TMED3: variants seen among roughly 807,000 people sequenced by gnomAD.
TMED3 encodes the protein transmembrane p24 trafficking protein 3.
TMED3 carries 9 observed loss-of-function variants against 15.0 expected under a neutral mutation model. That is an observed-to-expected ratio of 0.60 (90% CI 0.36 to 1.04). The LOEUF is 1.04. Among genes scored for constraint, TMED3 ranks in the 50% least tolerant of loss-of-function variants. The pLI, the probability that TMED3 is intolerant of heterozygous loss-of-function variation, is 0.01. For synonymous variants in TMED3, 117 were observed against 121.4 expected, an observed-to-expected ratio of 0.96 and a Z score of 0.24; for missense variants, 267 against 278.9, an observed-to-expected ratio of 0.96 and a Z score of 0.30.
In TMED3 at chr15:79,331,201, C is replaced by G. The variant is rs182537299; in HGVS notation, c.417+17196C>G. Reference sequence around the variant, plus strand: ...CTAATCACTTCCCAGCAGGCCCCACCTCCAACATTGGGGATTACAGTTTGA... The same window carrying G: ...CTAATCACTTCCCAGCAGGCCCCACGTCCAACATTGGGGATTACAGTTTGA... On this transcript the variant is annotated intron_variant, in intron 2 of 2. Coordinates refer to the TMED3 transcript ENST00000424155. Among the ~76,000 whole-genome samples, 31 of 152,282 alleles carry G rather than the reference C, an allele frequency of 2.0e-4. No individual in the cohort carries two copies. In the East Asian group the frequency reaches 5.4e-3, roughly 27 times the overall value.
At chr15:79,374,427 T>A (rs540022626) in intron 2 of TMED3, among the ~76,000 whole-genome samples, 1 of 152,340 alleles carries the variant, frequency 6.6e-6, no homozygotes, top group African/African-American at 2.4e-5. Flanking sequence ...GGAATGCCCT[T>A]GGCCAAGAGG....
intron 2 of TMED3, among the ~76,000 whole-genome samples, chr15:79,408,682 A>AGTTGGTC (rs1893933311): frequency 6.6e-6 from 1 of 152,146 alleles, no homozygotes; most frequent in African/African-American, 2.4e-5. Flanking sequence ...TGGGATGGTC[A>AGTTGGTC]ATTCTGTGCT....
At chr15:79,383,038 T>C (rs1198101929) in intron 2 of TMED3, 3 of 1,535,412 alleles carry the variant, frequency 2.0e-6, no homozygotes, top group Non-Finnish European at 2.6e-6. Flanking sequence ...GGGATCTACC[T>C]GTTCCAACTG....
intron 2 of TMED3, among the ~76,000 whole-genome samples, chr15:79,320,437 A>G (rs746445982): frequency 6.6e-6 from 1 of 152,164 alleles, no homozygotes; most frequent in South Asian, 2.1e-4. Flanking sequence ...ATTTTATTAT[A>G]CTGGAACAGC....
chr15:79,323,790 G>A (rs916194641), downstream of TMED3, among the ~76,000 whole-genome samples: 1 of 152,082 alleles, frequency 6.6e-6, no homozygotes, highest in Non-Finnish European at 1.5e-5. Context: ...AAAAAAATAG[G>A]ATTGCTGGTG....
intron 2 of TMED3, among the ~76,000 whole-genome samples, chr15:79,341,195 C>CA (rs58885572): frequency 0.22 from 12,850 of 58,288 alleles, 2,306 homozygotes; most frequent in East Asian, 0.53. Flanking sequence ...GACCCTGTCT[C>CA]AAAAAAAAAA....
intron 2 of TMED3, among the ~76,000 whole-genome samples, chr15:79,394,590 C>A (rs531902377): frequency 1.5e-4 from 23 of 152,322 alleles, no homozygotes; most frequent in Admixed American, 2.6e-4. Flanking sequence ...GGGTTTTCCC[C>A]ACTATTTATA....
intron 2 of TMED3, among the ~76,000 whole-genome samples, chr15:79,358,355 CTTTT>C (rs1171405226): frequency 1.3e-5 from 2 of 152,240 alleles, no homozygotes; most frequent in African/African-American, 4.8e-5. Flanking sequence ...AAATGGCTCA[CTTTT>C]TATTTCTGAG....
At chr15:79,353,944 C>A (rs2058908436) in intron 2 of TMED3, among the ~76,000 whole-genome samples, 1 of 152,006 alleles carries the variant, frequency 6.6e-6, no homozygotes, top group Non-Finnish European at 1.5e-5. Flanking sequence ...CTTGTCTAGA[C>A]AATTATGAGC....
chr15:79,365,172 A>G (rs1458053710), intron 2 of TMED3, among the ~76,000 whole-genome samples: 1 of 152,218 alleles, frequency 6.6e-6, no homozygotes, highest in Non-Finnish European at 1.5e-5. Flanking sequence ...TTGCTTTCAA[A>G]TACATGGGGA....
intron 1 of TMED3, among the ~76,000 whole-genome samples, chr15:79,313,534 T>C (rs2058726556): frequency 6.6e-6 from 1 of 152,228 alleles, no homozygotes. Flanking sequence ...CAGGCAGGCA[T>C]AGATTCAAAT....
intron 2 of TMED3, among the ~76,000 whole-genome samples, chr15:79,394,774 T>A (rs1401507227): frequency 6.6e-6 from 1 of 152,236 alleles, no homozygotes; most frequent in African/African-American, 2.4e-5. Context: ...TATCCAGTTT[T>A]AACACAGTAT....
At chr15:79,353,284 ATATT>A (rs2058903520) in intron 2 of TMED3, among the ~76,000 whole-genome samples, 1 of 66,812 alleles carries the variant, frequency 1.5e-5, no homozygotes, top group African/African-American at 6.6e-5. Context: ...TATATAATAT[ATATT>A]ATATGTATAT....
intron 2 of TMED3, among the ~76,000 whole-genome samples, chr15:79,341,779 TC>T (rs2058852640): frequency 6.6e-6 from 1 of 152,182 alleles, no homozygotes; most frequent in African/African-American, 2.4e-5. Flanking sequence ...TTCGGCGGTT[TC>T]AACTACCAGT....
At chr15:79,413,140 C>A in exon 3 of TMED3, 1 of 152,320 alleles carries the variant, frequency 6.6e-6, no homozygotes, top group Non-Finnish European at 1.5e-5. Flanking sequence ...AGCAAGAACT[C>A]TGAAAACACA....
intron 2 of TMED3, among the ~76,000 whole-genome samples, chr15:79,408,863 A>G (rs913177551): frequency 3.3e-5 from 5 of 152,244 alleles, no homozygotes; most frequent in African/African-American, 1.2e-4. Context: ...AGGGCAGAGA[A>G]GAAGGGCCCA....
chr15:79,365,028 C>T (rs1272625939), intron 2 of TMED3, among the ~76,000 whole-genome samples: 2 of 152,230 alleles, frequency 1.3e-5, no homozygotes, highest in African/African-American at 2.4e-5. Context: ...GTAATGCATA[C>T]CCACTTGGTC....
At chr15:79,337,787 C>T (rs1302371782) in intron 2 of TMED3, among the ~76,000 whole-genome samples, 1 of 152,254 alleles carries the variant, frequency 6.6e-6, no homozygotes, top group Non-Finnish European at 1.5e-5. Context: ...TCTCTCCCCT[C>T]TGACCCTCAG....
At chr15:79,398,584 C>CA (rs397709113) in intron 2 of TMED3, among the ~76,000 whole-genome samples, 3 of 152,002 alleles carry the variant, frequency 2.0e-5, no homozygotes, top group African/African-American at 7.2e-5. Context: ...ATCGATGTCC[C>CA]AGCTTGATCA....
Sources: gnomAD v4.1 joint callset for allele counts (sites outside exome capture counted in the v4.1 genomes callset) on GRCh38, gnomAD v4.1.1 for gene constraint, MANE v1.5 for transcripts, NCBI Gene and HGNC (gene_info 2026-07-23, HGNC 2026-07-21) for gene names.